SUGCT: variants seen among roughly 807,000 people sequenced by gnomAD.
The protein encoded by SUGCT is succinyl-CoA:glutarate-CoA transferase, also known as succinyl-CoA:glutarate CoA-transferase.
A neutral mutation model predicts 55.0 loss-of-function variants in SUGCT; 41 were observed. That is an observed-to-expected ratio of 0.74 (90% CI 0.58 to 0.97). The LOEUF is 0.97. SUGCT is among the 50% of genes least tolerant of loss of function. The probability of loss-of-function intolerance (pLI) is 0.00; values close to 1 mark genes in which losing one functional copy is unlikely to be tolerated. For synonymous variants in SUGCT, 187 were observed against 200.4 expected (o/e 0.93, Z 0.56); for missense variants, 568 against 547.8 (o/e 1.04, Z -0.37).
At chr7:40,884,800 A>G in the SUGCT span, among the ~76,000 whole-genome samples, 1 of 152,142 alleles carries the variant, frequency 6.6e-6, no homozygotes, top group African/African-American at 2.4e-5. Flanking sequence ...GTTGGGGATG[A>G]GAGATGTGGA....
intron 6 of SUGCT, among the ~76,000 whole-genome samples, chr7:40,202,159 G>A (rs1786647973): frequency 6.6e-6 from 1 of 152,110 alleles, no homozygotes; most frequent in South Asian, 2.1e-4. Flanking sequence ...TTTTGGTAGA[G>A]ATGGGGTTTC....
At chr7:41,009,233 T>C in the SUGCT span, among the ~76,000 whole-genome samples, 1 of 148,510 alleles carries the variant, frequency 6.7e-6, no homozygotes, top group African/African-American at 2.5e-5. Flanking sequence ...AAAAGCAACT[T>C]ATATGTTAAA....
intron 12 of SUGCT, among the ~76,000 whole-genome samples, chr7:40,546,245 C>G (rs1393237682): frequency 6.6e-6 from 1 of 152,110 alleles, no homozygotes; most frequent in African/African-American, 2.4e-5. Context: ...GTGCGCTGTC[C>G]TCAAATTACA....
intron 12 of SUGCT, among the ~76,000 whole-genome samples, chr7:40,725,426 C>G (rs760252220): frequency 6.6e-6 from 1 of 152,096 alleles, no homozygotes; most frequent in African/African-American, 2.4e-5. Flanking sequence ...TTCCGTGAAC[C>G]CTTGCCCACT....
At chr7:40,944,704 T>A in the SUGCT span, among the ~76,000 whole-genome samples, 1 of 152,350 alleles carries the variant, frequency 6.6e-6, no homozygotes, top group East Asian at 1.9e-4. Context: ...GGTAGCGTGA[T>A]GCCTCCAGCT....
intron 9 of SUGCT, among the ~76,000 whole-genome samples, chr7:40,359,415 G>A (rs1439982992): frequency 2.0e-5 from 3 of 152,092 alleles, no homozygotes; most frequent in Admixed American, 2.0e-4. Flanking sequence ...ATGTTGGTCA[G>A]GCTGGTCTCA....
rs558034158 is a variant in SUGCT, at chr7:40,382,898, A to G, written c.816+66043A>G. Among the ~76,000 whole-genome samples the G allele has an allele frequency of 2.4e-3, 360 of 152,324 alleles. 1 individual carries two copies. The highest frequency in any genetic ancestry group is 7.8e-3 in the African/African-American group (324 of 41,592). On this transcript the variant is annotated intron_variant, in intron 9 of 13. Transcript: ENST00000335693. ...ATAATATTACATAGAGAACTAATAA[A>G]GATGTGTCTGCTTTGTAAGATTTCA...
At chr7:40,971,734 C>T in the SUGCT span, among the ~76,000 whole-genome samples, 1 of 152,124 alleles carries the variant, frequency 6.6e-6, no homozygotes, top group Non-Finnish European at 1.5e-5. Context: ...TCCATTATTT[C>T]TTCTCTTTCA....
At chr7:40,302,399 A>G (rs1314104262) in intron 8 of SUGCT, among the ~76,000 whole-genome samples, 2 of 152,166 alleles carry the variant, frequency 1.3e-5, no homozygotes, top group Non-Finnish European at 1.5e-5. Flanking sequence ...GTTGCTGCAT[A>G]ACAGATTATC....
At chr7:40,643,065 G>T (rs1800339865) in intron 12 of SUGCT, among the ~76,000 whole-genome samples, 1 of 152,100 alleles carries the variant, frequency 6.6e-6, no homozygotes, top group African/African-American at 2.4e-5. Context: ...ATAATTACTT[G>T]CCACTTTGCA....
At chr7:41,006,671 G>T in the SUGCT span, among the ~76,000 whole-genome samples, 1 of 152,150 alleles carries the variant, frequency 6.6e-6, no homozygotes, top group Non-Finnish European at 1.5e-5. Flanking sequence ...GGTGGTCATT[G>T]ATTTCCAGGC....
the SUGCT span, among the ~76,000 whole-genome samples, chr7:40,919,533 C>T: frequency 6.6e-6 from 1 of 152,288 alleles, no homozygotes; most frequent in Admixed American, 6.5e-5. Flanking sequence ...TGACAGGTTT[C>T]CTCATCCTAG....
the SUGCT span, among the ~76,000 whole-genome samples, chr7:40,945,991 T>A: frequency 1.3e-4 from 20 of 152,138 alleles, no homozygotes; most frequent in Non-Finnish European, 2.5e-4. Flanking sequence ...TAGAAATAGC[T>A]GTAGAGTGTT....
rs17171721 is a variant in SUGCT at position 40,497,822 on chromosome 7, T to C, written c.1089+1436T>C. ...TGCTCCATCTGTGTTTTATTAGAGA[T>C]GAAGGCACCAAAGCAAAGAGTTATT... On this transcript the variant is annotated intron_variant, in intron 12 of 13. Coordinates refer to ENST00000335693, the MANE Select transcript of SUGCT (RefSeq NM_001193313.2). Among the ~76,000 whole-genome samples, 1,242 of 152,156 alleles carry C rather than the reference T, an allele frequency of 8.2e-3. 48 individuals carry two copies. Among genetic ancestry groups the C allele is most frequent in the Admixed American group, 0.059 (899 of 15,278 alleles).
intron 12 of SUGCT, among the ~76,000 whole-genome samples, chr7:40,598,343 A>T (rs755445561): frequency 2.0e-5 from 3 of 152,176 alleles, no homozygotes; most frequent in Non-Finnish European, 4.4e-5. Flanking sequence ...AATTATCTTC[A>T]CTACCAAAAG....
intron 12 of SUGCT, among the ~76,000 whole-genome samples, chr7:40,715,409 C>A (rs188620951): frequency 6.6e-6 from 1 of 152,278 alleles, no homozygotes; most frequent in African/African-American, 2.4e-5. Context: ...TCCCTCCCTT[C>A]AGGAACCCAG....
chr7:40,325,252 A>G (rs1204903621), intron 9 of SUGCT, among the ~76,000 whole-genome samples: 2 of 152,136 alleles, frequency 1.3e-5, no homozygotes, highest in South Asian at 2.1e-4. Flanking sequence ...AAAAAGTCAA[A>G]ATATAAATGA....
At chr7:40,516,480 A>G (rs1583877047) in intron 12 of SUGCT, among the ~76,000 whole-genome samples, 2 of 152,306 alleles carry the variant, frequency 1.3e-5, no homozygotes, top group East Asian at 3.9e-4. Context: ...TTTACCATTT[A>G]CAGTCAAGTC....
chr7:40,796,525 C>T (rs1790562574), intron 13 of SUGCT, among the ~76,000 whole-genome samples: 1 of 152,166 alleles, frequency 6.6e-6, no homozygotes, highest in African/African-American at 2.4e-5. Flanking sequence ...CCAGGTTAAG[C>T]ACTGGCCATA....
Sources: gnomAD v4.1 joint callset for allele counts (sites outside exome capture counted in the v4.1 genomes callset) on GRCh38, gnomAD v4.1.1 for gene constraint, MANE v1.5 for transcripts, NCBI Gene and HGNC (gene_info 2026-07-23, HGNC 2026-07-21) for gene names.